Variants in TUSC3 observed in about 807,000 individuals in gnomAD.
TUSC3 encodes tumor suppressor candidate 3.
Under a neutral mutation model 44.8 loss-of-function variants are expected in TUSC3, and 45 were observed. That is an observed-to-expected ratio of 1.00 (90% CI 0.79 to 1.29). The LOEUF is 1.29. Ranked by LOEUF, TUSC3 falls within the 50% of genes most tolerant of loss-of-function variation. The probability of loss-of-function intolerance (pLI) is 0.00; values close to 1 mark genes in which losing one functional copy is unlikely to be tolerated. For missense variants in TUSC3, 519 were observed against 437.9 expected (o/e 1.19, Z -1.65); for synonymous variants, 212 against 152.9 (o/e 1.39, Z -2.85).
the TUSC3 span, among the ~76,000 whole-genome samples, chr8:15,850,782 A>G: frequency 6.6e-6 from 1 of 152,242 alleles, no homozygotes; most frequent in African/African-American, 2.4e-5. Context: ...TTGAAACCAA[A>G]AAAATGAGTG....
intron 9 of TUSC3, among the ~76,000 whole-genome samples, chr8:15,751,415 T>C (rs1331854374): frequency 6.6e-6 from 1 of 152,200 alleles, no homozygotes; most frequent in Non-Finnish European, 1.5e-5. Flanking sequence ...CTTTATACTG[T>C]TCTCTTCAGC....
At chr8:15,708,755 C>G (rs183002056) in intron 6 of TUSC3, among the ~76,000 whole-genome samples, 1 of 151,982 alleles carries the variant, frequency 6.6e-6, no homozygotes, top group Admixed American at 6.6e-5. Context: ...ATAATCATGG[C>G]TTCTATTTCA....
intron 1 of TUSC3, among the ~76,000 whole-genome samples, chr8:15,577,072 G>A (rs1161358261): frequency 1.4e-5 from 2 of 143,876 alleles, no homozygotes; most frequent in African/African-American, 5.1e-5. Flanking sequence ...GTGATGATGA[G>A]CATTTTTTCA....
the TUSC3 span, among the ~76,000 whole-genome samples, chr8:15,796,652 G>A: frequency 6.6e-6 from 1 of 152,338 alleles, no homozygotes; most frequent in South Asian, 2.1e-4. Context: ...TGGACTGAAG[G>A]CTCCACTGAG....
At chr8:15,603,284 G>A (rs1804369916) in intron 1 of TUSC3, among the ~76,000 whole-genome samples, 1 of 151,682 alleles carries the variant, frequency 6.6e-6, no homozygotes, top group Admixed American at 6.6e-5. Flanking sequence ...TAAACATCAT[G>A]GATATGAAAA....
At chr8:15,470,258 CAAA>C (rs75794739) in intron 1 of TUSC3, among the ~76,000 whole-genome samples, 22 of 101,716 alleles carry the variant, frequency 2.2e-4, no homozygotes, top group East Asian at 5.6e-4. Flanking sequence ...GACCCTGTCT[CAAA>C]AAAAAAAAAA....
intron 1 of TUSC3, among the ~76,000 whole-genome samples, chr8:15,453,341 T>C (rs771214744): frequency 8.5e-5 from 13 of 152,192 alleles, no homozygotes; most frequent in Admixed American, 2.0e-4. Context: ...TAAGTATATA[T>C]ACTTATTCAA....
chr8:15,843,622 A>G, the TUSC3 span, among the ~76,000 whole-genome samples: 1 of 131,088 alleles, frequency 7.6e-6, no homozygotes, highest in Middle Eastern at 3.6e-3. Context: ...ATATATATAT[A>G]CACGCACATA....
At chr8:15,457,175 G>C (rs975597715) in intron 1 of TUSC3, among the ~76,000 whole-genome samples, 3 of 129,472 alleles carry the variant, frequency 2.3e-5, no homozygotes, top group Middle Eastern at 3.8e-3. Context: ...TGTGAGGTGG[G>C]GGGAGGGGGG....
At chr8:15,608,455 C>G (rs188200787) in intron 1 of TUSC3, among the ~76,000 whole-genome samples, 1 of 152,142 alleles carries the variant, frequency 6.6e-6, no homozygotes, top group Non-Finnish European at 1.5e-5. Context: ...TAATATTACT[C>G]AGTCTTCCAC....
chr8:15,474,573 T>C (rs1800549574), intron 1 of TUSC3, among the ~76,000 whole-genome samples: 2 of 152,232 alleles, frequency 1.3e-5, no homozygotes, highest in South Asian at 4.1e-4. Context: ...GGAATGGGTA[T>C]AAGAAAAGCC....
intron 1 of TUSC3, among the ~76,000 whole-genome samples, chr8:15,600,005 A>G (rs993013981): frequency 6.6e-6 from 1 of 151,732 alleles, no homozygotes; most frequent in East Asian, 1.9e-4. Flanking sequence ...ATCTGCAAAC[A>G]AAGACAGTTT....
At chr8:15,560,182 C>G (rs1224663155) in intron 1 of TUSC3, among the ~76,000 whole-genome samples, 1 of 143,746 alleles carries the variant, frequency 7.0e-6, no homozygotes, top group African/African-American at 2.6e-5. Context: ...TTCAGGAGCT[C>G]TTTTAGGGCA....
the TUSC3 span, among the ~76,000 whole-genome samples, chr8:15,841,038 A>G: frequency 6.6e-6 from 1 of 152,160 alleles, no homozygotes; most frequent in African/African-American, 2.4e-5. Flanking sequence ...CTTTAGTCCA[A>G]TTAAAACCTG....
intron 2 of TUSC3, among the ~76,000 whole-genome samples, chr8:15,487,811 G>A (rs1454167360): frequency 2.0e-5 from 3 of 151,268 alleles, no homozygotes; most frequent in Non-Finnish European, 4.4e-5. Flanking sequence ...ATTTGACATC[G>A]TTGTTTTAAA....
At chr8:15,501,528 C>G (rs1000924448) in intron 2 of TUSC3, among the ~76,000 whole-genome samples, 1 of 152,176 alleles carries the variant, frequency 6.6e-6, no homozygotes. Flanking sequence ...TTTATTGAAT[C>G]TGGAATCATG....
At chr8:15,608,348 A>G (rs1449167492) in intron 1 of TUSC3, among the ~76,000 whole-genome samples, 6 of 152,126 alleles carry the variant, frequency 3.9e-5, no homozygotes, top group African/African-American at 4.8e-5. Flanking sequence ...TTTGTAAACA[A>G]TAAATTCCAA....
chr8:15,542,069 C>T (rs1350239546), intron 1 of TUSC3, among the ~76,000 whole-genome samples: 1 of 151,214 alleles, frequency 6.6e-6, no homozygotes, highest in Non-Finnish European at 1.5e-5. Flanking sequence ...ATGGCAGGTG[C>T]CCAAGGTGGT....
chr8:15,455,889 T>C (rs1800250772), intron 1 of TUSC3, among the ~76,000 whole-genome samples: 1 of 152,220 alleles, frequency 6.6e-6, no homozygotes, highest in African/African-American at 2.4e-5. Context: ...TGAATTCTGC[T>C]AAAGTGTAGC....
Sources: allele counts gnomAD v4.1 joint callset (sites outside exome capture counted in the v4.1 genomes callset), GRCh38; gene constraint gnomAD v4.1.1; transcripts MANE v1.5; gene names NCBI Gene and HGNC (gene_info 2026-07-23, HGNC 2026-07-21).